Variants in KSR2 observed in about 807,000 individuals in gnomAD.
KSR2 encodes kinase suppressor of ras 2.
KSR2 carries 25 observed loss-of-function variants against 107.8 expected under a neutral mutation model. That is an observed-to-expected ratio of 0.23 (90% CI 0.17 to 0.32). KSR2 has a LOEUF of 0.32. Ranked by LOEUF, KSR2 falls within the 10% of genes least tolerant of loss-of-function variation. The probability of loss-of-function intolerance (pLI) is 1.00; values close to 1 mark genes in which losing one functional copy is unlikely to be tolerated. For synonymous variants in KSR2, 480 were observed against 507.0 expected (o/e 0.95, Z 0.71); for missense variants, 887 against 1,268.9 (o/e 0.70, Z 4.57).
At chr12:117,588,223 G>T (rs757525460) in intron 5 of KSR2, among the ~76,000 whole-genome samples, 3 of 152,272 alleles carry the variant, frequency 2.0e-5, no homozygotes, top group African/African-American at 4.8e-5. Flanking sequence ...GAAGGGTTTT[G>T]TCCCAAACCT....
intron 10 of KSR2, among the ~76,000 whole-genome samples, chr12:117,535,604 TTGTGTGTGTGTGTGTGTGTGTGTGTG>T (rs5801239): frequency 7.0e-6 from 1 of 142,230 alleles, no homozygotes; most frequent in Admixed American, 7.0e-5. Flanking sequence ...TTTCCTGGAG[TTGTGTGTGTGTGTGTGTGTGTGTGTG>T]TGTGTGTGTG....
chr12:117,555,478 T>G (rs902307615), intron 8 of KSR2, among the ~76,000 whole-genome samples, 185 bp from the exon 9 acceptor site: 79 of 152,248 alleles, frequency 5.2e-4, no homozygotes, highest in African/African-American at 1.9e-3. Context: ...ATATTTCTAT[T>G]GTCCATATAT....
At chr12:117,767,009 C>T (rs1555237212) in intron 3 of KSR2, among the ~76,000 whole-genome samples, 2 of 151,766 alleles carry the variant, frequency 1.3e-5, no homozygotes, top group Non-Finnish European at 2.9e-5. Context: ...CTCAGCCTCT[C>T]GAGTAGTTGG....
chr12:117,625,116 G>C (rs1882402012), intron 5 of KSR2, among the ~76,000 whole-genome samples: 1 of 152,056 alleles, frequency 6.6e-6, no homozygotes. Flanking sequence ...GAGGCGATGG[G>C]GTTTTCTAAT....
At chr12:117,871,148 G>C (rs756900361) in intron 1 of KSR2, among the ~76,000 whole-genome samples, 8 of 152,174 alleles carry the variant, frequency 5.3e-5, no homozygotes, top group Non-Finnish European at 7.3e-5. Flanking sequence ...GGAGGAATGT[G>C]ATATGGGTCC....
Position 117,888,700 on chromosome 12 carries a change from C to G in KSR2, c.181-28269G>C, listed in dbSNP as rs181539862. ...CCTGGAACCTGACCATGCTGACAAC[C>G]TGGTCTTGAACTTCCCAGCCTCCAG... On this transcript the variant is annotated intron_variant, in intron 1 of 19. Coordinates refer to ENST00000339824, the MANE Select transcript of KSR2 (RefSeq NM_173598.6). Among the ~76,000 whole-genome samples the G allele has an allele frequency of 3.0e-3, 455 of 152,358 alleles. 2 individuals are homozygous for G. The highest frequency in any genetic ancestry group is 0.017 in the Middle Eastern group (5 of 294).
At chr12:117,647,321 A>G (rs1259243073) in intron 5 of KSR2, among the ~76,000 whole-genome samples, 1 of 152,176 alleles carries the variant, frequency 6.6e-6, no homozygotes, top group Non-Finnish European at 1.5e-5. Flanking sequence ...AGCATGGGAC[A>G]CAGTAGAACA....
rs185094886 is a variant in KSR2, at chr12:117,511,009, A to T, written c.2219+13843T>A. On this transcript the variant is annotated intron_variant, in intron 14 of 19. Coordinates refer to ENST00000339824, the MANE Select transcript of KSR2 (RefSeq NM_173598.6). ...TTCATTTAATCTTCACATTTATCCC[A>T]CCTGGTAGGGACTGTTAGACTATTA... is the stretch of plus-strand genomic sequence containing the variant. Among the ~76,000 whole-genome samples, 581 of 152,162 alleles carry T rather than the reference A, an allele frequency of 3.8e-3. 5 individuals carry two copies. The highest frequency in any genetic ancestry group is 5.7e-3 in the Non-Finnish European group (391 of 68,018).
Position 117,558,518 on chromosome 12 carries a change from T to C in KSR2, c.1381A>G (p.Ile461Val), listed in dbSNP as rs531279093. Reference protein sequence around the residue: ...KEAPPCHLLIIHRGDPARLVR... With the variant: ...KEAPPCHLLIVHRGDPARLVR... ...GTTAAATAGTTACCTCCTCGGTGGATGATCAGAAGATGACAGGGTGGGGCT... is the reference window on the plus strand; with the variant it reads ...GTTAAATAGTTACCTCCTCGGTGGACGATCAGAAGATGACAGGGTGGGGCT... The change falls in exon 8 of 20, where the codon ATC becomes GTC. Residue 461 changes from isoleucine (I) to valine (V), a missense_variant. Ile to Val is a conservative substitution (Grantham distance 29, BLOSUM62 3). Around this residue, in one of 8 missense-constraint regions of KSR2, gnomAD observed 60 missense variants for 77.5 expected, o/e 0.77. Coordinates refer to ENST00000339824, the MANE Select transcript of KSR2 (RefSeq NM_173598.6). 5.0e-5 allele frequency: 80 copies of C among 1,613,762 alleles called. No individual in the cohort carries two copies. Among genetic ancestry groups the C allele is most frequent in the Non-Finnish European group, 6.6e-5 (78 of 1,179,840 alleles).
chr12:117,941,091 A>G (rs1020457202), intron 1 of KSR2, among the ~76,000 whole-genome samples: 4 of 152,008 alleles, frequency 2.6e-5, no homozygotes, highest in Non-Finnish European at 4.4e-5. Context: ...TCTCAAAAAA[A>G]TAATAATAAT....
chr12:117,911,700 T>C (rs1197189960), intron 1 of KSR2, among the ~76,000 whole-genome samples: 1 of 152,204 alleles, frequency 6.6e-6, no homozygotes, highest in African/African-American at 2.4e-5. Flanking sequence ...GCAAGACCCA[T>C]ATCTCTTCCC....
intron 3 of KSR2, among the ~76,000 whole-genome samples, chr12:117,800,023 A>G (rs988957110): frequency 2.0e-5 from 3 of 152,240 alleles, no homozygotes; most frequent in African/African-American, 7.2e-5. Flanking sequence ...CAATGGCTCT[A>G]TGTAGAGACT....
In KSR2 at chr12:117,730,972, G is replaced by A. The variant is rs183725832; in HGVS notation, c.986+30039C>T. Among the ~76,000 whole-genome samples, 105 of 150,374 alleles carry A rather than the reference G, an allele frequency of 7.0e-4. 1 individual carries two copies. Among genetic ancestry groups the A allele is most frequent in the Middle Eastern group, 3.5e-3 (1 of 282 alleles). ...GAGCGTCTCTGCCTGGACGTCCATC[G>A]TCTGGGATGTGAGGAGCCCCTCTGC... On this transcript the variant is annotated intron_variant, in intron 4 of 19. Transcript: ENST00000339824.
chr12:117,956,167 A>G lies in KSR2; in HGVS notation c.180+11909T>C, dbSNP rs371036348. ...CGGGAGGCTAAGGCAGGAGAATGGC[A>G]TGAACCTGGGAGGCGGAGCTTGCAG... On this transcript the variant is annotated intron_variant, in intron 1 of 19. Transcript: ENST00000339824. 2.7e-3 allele frequency among the ~76,000 whole-genome samples: 388 copies of G among 143,676 alleles called. 1 individual carries two copies. The highest frequency in any genetic ancestry group is 3.5e-3 in the Non-Finnish European group (236 of 66,842). 94.3% of individuals were successfully genotyped at this position (143,676 alleles called of 152,430 possible).
chr12:117,553,846 CCTCT>C (rs546688661), intron 9 of KSR2, among the ~76,000 whole-genome samples: 2 of 148,698 alleles, frequency 1.3e-5, no homozygotes, highest in African/African-American at 2.5e-5. Context: ...CCTCCCCTCT[CCTCT>C]CTCTCTCTCT....
At chr12:117,474,210 C>T (rs1194288000) in intron 17 of KSR2, among the ~76,000 whole-genome samples, 1 of 152,200 alleles carries the variant, frequency 6.6e-6, no homozygotes. Context: ...CAGCAGAAAA[C>T]CAATTATTCT....
chr12:117,948,398 G>A (rs1180983036), intron 1 of KSR2, among the ~76,000 whole-genome samples: 1 of 151,828 alleles, frequency 6.6e-6, no homozygotes. Context: ...GCTGAGGCAG[G>A]AGAACTGCTT....
chr12:117,935,558 C>T (rs1041105647), intron 1 of KSR2, among the ~76,000 whole-genome samples: 7 of 152,006 alleles, frequency 4.6e-5, no homozygotes, highest in Admixed American at 2.0e-4. Flanking sequence ...GTCAGGAGTT[C>T]GAGACCAGCC....
chr12:117,671,803 C>G (rs987266392), intron 4 of KSR2, among the ~76,000 whole-genome samples: 3 of 152,188 alleles, frequency 2.0e-5, no homozygotes, highest in Admixed American at 6.5e-5. Flanking sequence ...CCCACCTCCC[C>G]CAAACTCCCA....
Sources: gnomAD v4.1 joint callset for allele counts (sites outside exome capture counted in the v4.1 genomes callset) on GRCh38, gnomAD v4.1.1 for gene constraint, gnomAD v4.1.1 regional missense constraint, MANE v1.5 for transcripts, NCBI Gene and HGNC (gene_info 2026-07-23, HGNC 2026-07-21) for gene names.